The following TMEM120B variants were observed in gnomAD, a reference collection of about 807,000 sequenced individuals.
The protein encoded by TMEM120B is transmembrane protein 120B.
Under a neutral mutation model 55.5 loss-of-function variants are expected in TMEM120B, and 31 were observed. The ratio of observed to expected loss-of-function variants is 0.56; its 90% CI spans 0.42 to 0.75. TMEM120B has a LOEUF of 0.75. Ranked by LOEUF, TMEM120B falls within the 30% of genes least tolerant of loss-of-function variation. The pLI is 0.00. For synonymous variants in TMEM120B, 203 were observed against 176.3 expected (o/e 1.15, Z -1.20); for missense variants, 399 against 425.5 (o/e 0.94, Z 0.55).
At chr12:121,762,108 T>C (rs557845251) in intron 6 of TMEM120B, among the ~76,000 whole-genome samples, 1 of 152,060 alleles carries the variant, frequency 6.6e-6, no homozygotes, top group South Asian at 2.1e-4. Flanking sequence ...CTGGCCAACA[T>C]AGTGAAACCC....
intron 3 of TMEM120B, among the ~76,000 whole-genome samples, chr12:121,749,366 C>T (rs1351432309): frequency 1.3e-5 from 2 of 152,184 alleles, no homozygotes; most frequent in Admixed American, 6.6e-5. Flanking sequence ...AGTTGGGAAT[C>T]TTTGGATTGC....
rs779797805 is a variant in TMEM120B at position 121,775,154 on chromosome 12, G to C, written c.906+24G>C. 6.5e-7 allele frequency: 1 copy of C among 1,543,414 alleles called. No individual in the cohort carries two copies. Among genetic ancestry groups the C allele is most frequent in the South Asian group, 1.1e-5 (1 of 88,930 alleles). On this transcript the variant is annotated intron_variant, in intron 11 of 11. Transcript: ENST00000449592. The surrounding 1 kb of genome is among the most constrained non-coding windows in gnomAD (Gnocchi z 4.3). ...AGGTATGGGGGGTGGGGGCATGCTC[G>C]GGGGAGGTTCCCGGGAGGGCTGGGG... is the stretch of plus-strand genomic sequence containing the variant.
chr12:121,774,691 C>G lies in TMEM120B; in HGVS notation c.806C>G (p.Thr269Ser). 6.2e-7 allele frequency: 1 copy of G among 1,614,006 alleles called. No individual in the cohort carries two copies. The highest frequency in any genetic ancestry group is 8.5e-7 in the Non-Finnish European group (1 of 1,179,908). The change falls in exon 10 of 12, where the codon ACC becomes AGC. Residue 269 changes from threonine to serine, a missense_variant. Physicochemically the swap from Thr to Ser is moderately conservative, Grantham distance 58. This residue lies in a region of TMEM120B where 260 missense variants were observed against 303.9 expected (regional missense o/e 0.86). Transcript: ENST00000449592. Reference protein sequence around the residue: ...GFQSWMWRGLTFLLPFLFCGH... With the variant: ...GFQSWMWRGLSFLLPFLFCGH... ...CAGTCCTGGATGTGGCGGGGCCTCA[C>G]CTTTCTCCTGCCCTTCCTCTTCTGT...
chr12:121,770,151 C>G (rs1873990881), intron 6 of TMEM120B, among the ~76,000 whole-genome samples: 1 of 152,112 alleles, frequency 6.6e-6, no homozygotes, highest in African/African-American at 2.4e-5. Flanking sequence ...GAGTGTATTT[C>G]CTCACAGTTT....
intron 1 of TMEM120B, among the ~76,000 whole-genome samples, chr12:121,718,618 A>G (rs1436615332): frequency 6.6e-6 from 1 of 152,200 alleles, no homozygotes; most frequent in East Asian, 1.9e-4. Flanking sequence ...ATTCGAACCC[A>G]TGCCTGCTGT....
chr12:121,780,488 A>G lies in TMEM120B; in HGVS notation c.*4766A>G. On this transcript the variant is annotated 3_prime_UTR_variant, in exon 12 of 12. Coordinates refer to ENST00000449592, the MANE Select transcript of TMEM120B (RefSeq NM_001080825.2). The stretch of plus-strand genomic sequence containing the variant: ...CAATTGGCCCGTGAAGGGGACGCCT[A>G]CTTTCAAACAAGGCAGACAGGACAC... The G allele has an allele frequency of 2.8e-6, 1 of 358,520 alleles. No homozygotes were observed. The highest frequency in any genetic ancestry group is 5.1e-6 in the Non-Finnish European group (1 of 197,494). 22.2% of individuals were successfully genotyped at this position (358,520 alleles called of 1,614,324 possible).
At chr12:121,737,727 T>C (rs1265560610) in intron 1 of TMEM120B, among the ~76,000 whole-genome samples, 1 of 151,774 alleles carries the variant, frequency 6.6e-6, no homozygotes, top group Non-Finnish European at 1.5e-5. Flanking sequence ...CTTGCACAAG[T>C]TGCCAGGTGC....
At chr12:121,736,696 T>C (rs1895124052) in intron 1 of TMEM120B, among the ~76,000 whole-genome samples, 1 of 152,040 alleles carries the variant, frequency 6.6e-6, no homozygotes, top group Admixed American at 6.6e-5. Context: ...ATTATAGGCA[T>C]GCACCACCAC....
chr12:121,779,802 C>T lies in TMEM120B; in HGVS notation c.*4080C>T. 1.2e-6 allele frequency: 1 copy of T among 864,412 alleles called. No individual in the cohort carries two copies. 53.5% of individuals were successfully genotyped at this position (864,412 alleles called of 1,614,324 possible). On this transcript the variant is annotated 3_prime_UTR_variant, in exon 12 of 12. Transcript: ENST00000449592. ...GGCCTGTCTGTCTCCTCCATCCTGG[C>T]TGCCCCTCACAGTGTGTGGGTGGAA... is the stretch of plus-strand genomic sequence containing the variant.
chr12:121,765,817 GC>G (rs1472492205), intron 6 of TMEM120B, among the ~76,000 whole-genome samples: 1 of 152,140 alleles, frequency 6.6e-6, no homozygotes. Flanking sequence ...GATCCTGGGG[GC>G]AGGCAAGGGA....
intron 6 of TMEM120B, among the ~76,000 whole-genome samples, chr12:121,762,858 C>A (rs1873724239): frequency 6.6e-6 from 1 of 152,172 alleles, no homozygotes; most frequent in South Asian, 2.1e-4. Context: ...CACTGAGCAG[C>A]CCTGTGACCC....
At chr12:121,748,258 C>T (rs1011242405) in intron 2 of TMEM120B, 68 bp from the exon 3 acceptor site, 28 of 1,241,420 alleles carry the variant, frequency 2.3e-5, no homozygotes, top group African/African-American at 1.8e-4. Context: ...GGCTGGGGCC[C>T]GGGGAGTCCA....
rs777432851 is a variant in TMEM120B, at chr12:121,743,734, C to G, written c.175C>G (p.Leu59Val). Residue 59 changes from leucine (L) to valine (V), a missense_variant, in exon 2 of 12, where the codon CTT becomes GTT. Transcript: ENST00000449592. ...KQKKHLKDLK[L>V]TLQRCKRHAS... Reference sequence around the variant, plus strand: ...GAAGAAGCACCTCAAGGACTTGAAGCTTACACTCCAGAGGTAGGTGCAGCT... The same window carrying G: ...GAAGAAGCACCTCAAGGACTTGAAGGTTACACTCCAGAGGTAGGTGCAGCT... The G allele has an allele frequency of 5.1e-5, 83 of 1,612,648 alleles. No homozygotes were observed. The highest frequency in any genetic ancestry group is 6.6e-5 in the Non-Finnish European group (78 of 1,179,556).
chr12:121,744,076 A>T (rs1360285811), intron 2 of TMEM120B, among the ~76,000 whole-genome samples: 1 of 139,892 alleles, frequency 7.1e-6, no homozygotes, highest in African/African-American at 2.7e-5. Flanking sequence ...TTTTTTCTTG[A>T]AATGGAGTCT....
chr12:121,733,340 G>A (rs1210656733), intron 1 of TMEM120B, among the ~76,000 whole-genome samples: 1 of 149,714 alleles, frequency 6.7e-6, no homozygotes, highest in Non-Finnish European at 1.5e-5. Context: ...CGCCTCCTGG[G>A]TTCACACCAT....
chr12:121,781,085 T>C lies in TMEM120B; in HGVS notation c.*5363T>C. ...ACCACCCAGGAGGCCGGCCTCACCT[T>C]GATGAGGACGTTGTCGTAGCTGGTG... On this transcript the variant is annotated 3_prime_UTR_variant, in exon 12 of 12. Coordinates refer to ENST00000449592, the MANE Select transcript of TMEM120B (RefSeq NM_001080825.2). 6 of 1,614,112 alleles carry C rather than the reference T, an allele frequency of 3.7e-6. No individual in the cohort carries two copies. Among genetic ancestry groups the C allele is most frequent in the Non-Finnish European group, 5.1e-6 (6 of 1,179,952 alleles).
At chr12:121,761,466 G>A (rs968334491) in intron 5 of TMEM120B, among the ~76,000 whole-genome samples, 183 bp from the exon 6 acceptor site, 3 of 152,292 alleles carry the variant, frequency 2.0e-5, no homozygotes, top group African/African-American at 4.8e-5. Context: ...GGCATTTGCA[G>A]GGCCGGGGAA....
intron 5 of TMEM120B, among the ~76,000 whole-genome samples, chr12:121,759,283 G>T (rs931289602): frequency 2.6e-5 from 4 of 152,034 alleles, no homozygotes; most frequent in African/African-American, 9.7e-5. Context: ...AATCCGAACG[G>T]GTCTGCAGCG....
chr12:121,759,946 C>T (rs1243889565), intron 5 of TMEM120B, among the ~76,000 whole-genome samples: 2 of 151,972 alleles, frequency 1.3e-5, no homozygotes, highest in Admixed American at 1.3e-4. Context: ...TCCTGACCAA[C>T]ATGGTGAAAC....
Sources: gnomAD v4.1 joint callset for allele counts (sites outside exome capture counted in the v4.1 genomes callset) on GRCh38, gnomAD v4.1.1 for gene constraint, gnomAD v4.1.1 regional missense constraint, Gnocchi (gnomAD v3.1) non-coding constraint, MANE v1.5 for transcripts, NCBI Gene and HGNC (gene_info 2026-07-23, HGNC 2026-07-21) for gene names.